The following COL6A6 variants were observed in gnomAD, a reference collection of about 807,000 sequenced individuals.
COL6A6 encodes collagen alpha-6(VI) chain.
COL6A6 carries 183 observed loss-of-function variants against 208.6 expected under a neutral mutation model. The ratio of observed to expected loss-of-function variants is 0.88; its 90% CI spans 0.78 to 0.99. The LOEUF (loss-of-function observed/expected upper bound fraction) is 0.99. Ranked by LOEUF, COL6A6 falls within the 50% of genes least tolerant of loss-of-function variation. The pLI is 0.00. For synonymous variants in COL6A6, 973 were observed against 1,011.8 expected (o/e 0.96, Z 0.73); for missense variants, 2,816 against 2,815.2 (o/e 1.00, Z -0.01).
chr3:130,581,380 C>T (rs2063416926), intron 8 of COL6A6, among the ~76,000 whole-genome samples, 181 bp from the exon 9 acceptor site: 2 of 152,160 alleles, frequency 1.3e-5, no homozygotes, highest in Admixed American at 1.3e-4. Flanking sequence ...TGAACCCTTA[C>T]ACTTTTACAG....
At position 130,566,796 on chromosome 3, in the gene COL6A6, G is replaced by A. The variant is rs1460162045; in HGVS notation, c.1377G>A (p.Leu459=). 1 of 1,614,026 alleles carries A rather than the reference G, an allele frequency of 6.2e-7. No homozygotes were observed. The highest frequency in any genetic ancestry group is 1.7e-5 in the Admixed American group (1 of 60,028). ...ATDFHEMKTF[L]SEVVGMFNIA... is the part of the protein sequence containing the mutation. ...ATTTCCATGAAATGAAGACGTTCCT[G>A]TCAGAGGTGGTAGGGATGTTCAACA... Residue 459 remains leucine, a synonymous_variant, in exon 5 of 37, where the codon CTG becomes CTA. Transcript: ENST00000358511.
chr3:130,592,007 A>G (rs1172734118), intron 13 of COL6A6, among the ~76,000 whole-genome samples: 1 of 152,210 alleles, frequency 6.6e-6, no homozygotes, highest in East Asian at 1.9e-4. Context: ...AACCCAGGTC[A>G]CTGCAGGAGG....
intron 36 of COL6A6, among the ~76,000 whole-genome samples, chr3:130,670,200 G>A (rs1576432959): frequency 6.6e-6 from 1 of 152,224 alleles, no homozygotes; most frequent in Non-Finnish European, 1.5e-5. Flanking sequence ...TCCCCGTGCT[G>A]CAGGTGTCTG....
rs767928089 is a variant in COL6A6, at chr3:130,566,743, G to A, written c.1324G>A (p.Asp442Asn). The A allele has an allele frequency of 9.9e-6, 16 of 1,613,470 alleles. No homozygotes were observed. In the East Asian group the frequency reaches 2.0e-4, roughly 20 times the overall value. ...TEEADIYLLI[D>N]GSGSTQATDF... ...GGAAGCAGACATCTATCTGCTTATC[G>A]ATGGCTCAGGGAGCACCCAGGCCAC... Residue 442 changes from aspartate to asparagine, a missense_variant, in exon 5 of 37, where the codon GAT becomes AAT. Transcript: ENST00000358511.
chr3:130,606,771 A>C (rs1369513008), intron 20 of COL6A6, among the ~76,000 whole-genome samples, 160 bp from the exon 21 acceptor site: 1 of 152,222 alleles, frequency 6.6e-6, no homozygotes, highest in African/African-American at 2.4e-5. Flanking sequence ...TAGATTTAGC[A>C]GTATTTTGCT....
chr3:130,658,754 C>A lies in COL6A6; in HGVS notation c.5812C>A (p.Arg1938=). Residue 1938 remains arginine (R), a synonymous_variant, in exon 34 of 37, where the codon CGG becomes AGG. Coordinates refer to ENST00000358511, the MANE Select transcript of COL6A6 (RefSeq NM_001102608.3). ...CATACCAGCATTAGAGAGACTCCAG[C>A]GGTGCACTTTCTGCTATGGTAAGAC... is the stretch of plus-strand genomic sequence containing the variant. The part of the protein sequence containing the change: ...DYIPALERLQ[R]CTFCYDVCKP... 6.2e-7 allele frequency: 1 copy of A among 1,611,766 alleles called. No individual in the cohort carries two copies. The highest frequency in any genetic ancestry group is 2.2e-5 in the East Asian group (1 of 44,848).
At chr3:130,555,244 A>C (rs1387524092) in intron 1 of COL6A6, among the ~76,000 whole-genome samples, 4 of 152,078 alleles carry the variant, frequency 2.6e-5, no homozygotes, top group Non-Finnish European at 5.9e-5. Flanking sequence ...AGGATTCCAG[A>C]AGTCTGTAAT....
chr3:130,587,149 A>G (rs1375226375), intron 11 of COL6A6, among the ~76,000 whole-genome samples: 1 of 152,232 alleles, frequency 6.6e-6, no homozygotes, highest in Non-Finnish European at 1.5e-5. Flanking sequence ...AACTAGAGAA[A>G]GAGCAATCTG....
At chr3:130,584,499 A>G (rs576059263) in intron 10 of COL6A6, among the ~76,000 whole-genome samples, 47 of 152,334 alleles carry the variant, frequency 3.1e-4, no homozygotes, top group African/African-American at 1.1e-3. Context: ...GTTGGGAACA[A>G]GATGGGAACT....
rs375255284 is a variant in COL6A6 at position 130,563,466 on chromosome 3, C to A, written c.463C>A (p.Arg155=). 1.4e-4 allele frequency: 225 copies of A among 1,613,858 alleles called. No individual in the cohort carries two copies. Among genetic ancestry groups the A allele is most frequent in the Non-Finnish European group, 1.8e-4 (214 of 1,179,900 alleles). ...TGTGGAAGAGGCATCAAAGGCCCTG[C>A]GGAAAGACGGAGTGAAAATCATCTC... ...DNVEEASKAL[R]KDGVKIISVG... is the part of the protein sequence containing the mutation. The change falls in exon 3 of 37, where the codon CGG becomes AGG. Residue 155 remains arginine (R), a synonymous_variant. Coordinates refer to ENST00000358511, the MANE Select transcript of COL6A6 (RefSeq NM_001102608.3).
At chr3:130,610,979 C>T (rs1264482374) in intron 23 of COL6A6, among the ~76,000 whole-genome samples, 1 of 152,164 alleles carries the variant, frequency 6.6e-6, no homozygotes, top group Non-Finnish European at 1.5e-5. Flanking sequence ...CCCCTGATCT[C>T]AATTCTCTTG....
At chr3:130,564,973 T>G (rs763135971) in intron 3 of COL6A6, 21 bp from the exon 4 acceptor site, 30 of 1,604,792 alleles carry the variant, frequency 1.9e-5, no homozygotes, top group Non-Finnish European at 2.5e-5. Flanking sequence ...AAATTGTGCT[T>G]GTTTATTTCT....
intron 1 of COL6A6, among the ~76,000 whole-genome samples, chr3:130,546,333 C>A (rs758097923): frequency 2.6e-5 from 4 of 151,626 alleles, no homozygotes; most frequent in Non-Finnish European, 5.9e-5. Context: ...CGGAGTTGTT[C>A]ATTCCTCCCA....
intron 33 of COL6A6, among the ~76,000 whole-genome samples, chr3:130,658,224 T>C (rs2065845963): frequency 6.6e-6 from 1 of 152,246 alleles, no homozygotes; most frequent in East Asian, 1.9e-4. Flanking sequence ...CTTTCTTAAA[T>C]GGCTTCAGTG....
intron 11 of COL6A6, among the ~76,000 whole-genome samples, chr3:130,587,497 T>A (rs2063570875): frequency 6.6e-6 from 1 of 152,218 alleles, no homozygotes; most frequent in Non-Finnish European, 1.5e-5. Context: ...CCTGACGTCA[T>A]CTTATGTTCT....
intron 34 of COL6A6, among the ~76,000 whole-genome samples, chr3:130,660,816 T>C (rs1216517524): frequency 6.6e-6 from 1 of 152,220 alleles, no homozygotes; most frequent in African/African-American, 2.4e-5. Flanking sequence ...ACTTCCTATA[T>C]AGAAACTTCT....
At chr3:130,584,348 T>C (rs1026024769) in intron 10 of COL6A6, among the ~76,000 whole-genome samples, 2 of 152,190 alleles carry the variant, frequency 1.3e-5, no homozygotes, top group Non-Finnish European at 2.9e-5. Flanking sequence ...ATTTCTCTTA[T>C]AAGTAGATCC....
Position 130,591,114 on chromosome 3 carries a change from T to TA in COL6A6, c.4272+21dup. 2 of 1,545,312 alleles carry TA rather than the reference T, an allele frequency of 1.3e-6. No individual in the cohort carries two copies. The highest frequency in any genetic ancestry group is 1.7e-4 in the Middle Eastern group (1 of 5,978). ...ATCGCTGTAAGTCAGGGCTCTTTTT[T>TA]ACCTCCATTTATCCCTAAAAACATC... is the stretch of plus-strand genomic sequence containing the variant. On this transcript the variant is annotated intron_variant, in intron 13 of 36. Transcript: ENST00000358511.
chr3:130,538,889 G>A (rs559333473), intron 1 of COL6A6, among the ~76,000 whole-genome samples: 111 of 152,280 alleles, frequency 7.3e-4, no homozygotes, highest in African/African-American at 2.6e-3. Context: ...GGTGCTAGAG[G>A]CTACATTGGG....
Sources: allele counts gnomAD v4.1 joint callset (sites outside exome capture counted in the v4.1 genomes callset), GRCh38; gene constraint gnomAD v4.1.1; transcripts MANE v1.5; gene names NCBI Gene and HGNC (gene_info 2026-07-23, HGNC 2026-07-21).